The following SUSD4 variants were observed in gnomAD, a reference collection of about 807,000 sequenced individuals.
SUSD4 encodes the protein sushi domain containing 4.
A neutral mutation model predicts 50.5 loss-of-function variants in SUSD4; 41 were observed. The observed-to-expected ratio is 0.81, with a 90% CI of 0.63 to 1.05. The LOEUF (loss-of-function observed/expected upper bound fraction) is 1.05, where lower values mean the gene tolerates loss of function less well. SUSD4 is among the 50% of genes least tolerant of loss of function. The pLI, the probability that SUSD4 is intolerant of heterozygous loss-of-function variation, is 0.00. For synonymous variants in SUSD4, 257 were observed against 257.3 expected (o/e 1.00, Z 0.01); for missense variants, 580 against 634.7 (o/e 0.91, Z 0.93).
chr1:223,270,939 C>T (rs1662875442), intron 3 of SUSD4, among the ~76,000 whole-genome samples: 1 of 152,154 alleles, frequency 6.6e-6, no homozygotes, highest in Non-Finnish European at 1.5e-5. Context: ...GAATCAACCC[C>T]AATCCCAGAA....
intron 5 of SUSD4, among the ~76,000 whole-genome samples, chr1:223,233,675 T>G (rs1366223826): frequency 6.6e-6 from 1 of 152,180 alleles, no homozygotes. Context: ...TTCCGGTGAG[T>G]AAAAGTGGAC....
chr1:223,365,050 G>A (rs1435394419), upstream of SUSD4, among the ~76,000 whole-genome samples: 2 of 152,210 alleles, frequency 1.3e-5, no homozygotes, highest in East Asian at 3.9e-4. Flanking sequence ...TCCCGGGGGC[G>A]GGGAGGCGGG....
At chr1:223,346,371 T>A (rs1572108382) in intron 2 of SUSD4, among the ~76,000 whole-genome samples, 1 of 152,214 alleles carries the variant, frequency 6.6e-6, no homozygotes, top group Admixed American at 6.5e-5. Context: ...CTATTTATGA[T>A]TTCCTTTCTC....
chr1:223,271,592 G>A (rs1571937249), intron 3 of SUSD4, among the ~76,000 whole-genome samples: 1 of 152,056 alleles, frequency 6.6e-6, no homozygotes, highest in South Asian at 2.1e-4. Context: ...AGGCCAGGAG[G>A]GGCAGTGCCC....
chr1:223,234,480 T>G (rs2103009517), intron 5 of SUSD4, among the ~76,000 whole-genome samples: 1 of 152,020 alleles, frequency 6.6e-6, no homozygotes, highest in South Asian at 2.1e-4. Context: ...GTCTCTAGAG[T>G]TTTTCTAACT....
In SUSD4 at chr1:223,322,524, G is replaced by A. The variant is rs528735186; in HGVS notation, c.149-29873C>T. On this transcript the variant is annotated intron_variant, in intron 2 of 8. Coordinates refer to ENST00000366878, the MANE Select transcript of SUSD4 (RefSeq NM_017982.4). ...AAACAGACAAGGCTCCTGCCCTCTA[G>A]AAGCTAAAATCTGTACACAAATAAT... Among the ~76,000 whole-genome samples, 5 of 152,300 alleles carry A rather than the reference G, an allele frequency of 3.3e-5. No individual in the cohort carries two copies. The South Asian group carries it at 1.0e-3, about 32-fold the overall frequency.
intron 2 of SUSD4, among the ~76,000 whole-genome samples, chr1:223,306,942 T>A (rs1156999454): frequency 7.0e-6 from 1 of 142,362 alleles, no homozygotes; most frequent in Non-Finnish European, 1.5e-5. Flanking sequence ...AAATGAGGCA[T>A]ATGGATGAGT....
At chr1:223,356,635 C>T (rs559844087) in intron 2 of SUSD4, among the ~76,000 whole-genome samples, 30 of 152,112 alleles carry the variant, frequency 2.0e-4, no homozygotes, top group South Asian at 1.5e-3. Flanking sequence ...CTACAGCATA[C>T]GGTTGAGAAG....
intron 5 of SUSD4, among the ~76,000 whole-genome samples, chr1:223,260,265 A>G (rs905361025): frequency 1.5e-4 from 23 of 152,214 alleles, no homozygotes; most frequent in African/African-American, 5.5e-4. Flanking sequence ...AAAAGAAGGA[A>G]TTATGTCCTT....
At chr1:223,350,219 C>T (rs1376498198) in intron 2 of SUSD4, among the ~76,000 whole-genome samples, 1 of 152,216 alleles carries the variant, frequency 6.6e-6, no homozygotes, top group East Asian at 1.9e-4. Flanking sequence ...CTGACGGAGA[C>T]AGTATCCCAC....
intron 2 of SUSD4, among the ~76,000 whole-genome samples, chr1:223,308,041 A>T (rs1665652174): frequency 6.6e-6 from 1 of 152,212 alleles, no homozygotes; most frequent in Non-Finnish European, 1.5e-5. Flanking sequence ...TTACTTAAAT[A>T]GTAATTTATT....
At chr1:223,282,326 A>G (rs1663801780) in intron 3 of SUSD4, among the ~76,000 whole-genome samples, 1 of 152,200 alleles carries the variant, frequency 6.6e-6, no homozygotes, top group Non-Finnish European at 1.5e-5. Flanking sequence ...ACATGATTGT[A>G]TATTTAGAAA....
intron 5 of SUSD4, among the ~76,000 whole-genome samples, chr1:223,237,550 T>C (rs113931431): frequency 2.0e-5 from 3 of 152,020 alleles, no homozygotes; most frequent in African/African-American, 7.2e-5. Context: ...GGGAGTTTTT[T>C]TTTAAATCAT....
At chr1:223,342,804 AC>A (rs1225780083) in intron 2 of SUSD4, among the ~76,000 whole-genome samples, 1 of 152,192 alleles carries the variant, frequency 6.6e-6, no homozygotes, top group Admixed American at 6.5e-5. Context: ...TATGTAAATA[AC>A]CTTGGGTTGG....
intron 2 of SUSD4, among the ~76,000 whole-genome samples, chr1:223,317,716 T>C (rs998221029): frequency 6.6e-6 from 1 of 152,062 alleles, no homozygotes; most frequent in Non-Finnish European, 1.5e-5. Flanking sequence ...AAATTTATTA[T>C]TATATTTATG....
At chr1:223,290,096 T>C (rs1389070666) in intron 3 of SUSD4, among the ~76,000 whole-genome samples, 1 of 152,226 alleles carries the variant, frequency 6.6e-6, no homozygotes, top group Admixed American at 6.5e-5. Flanking sequence ...TGTGATAAAT[T>C]ATTATTGTTA....
chr1:223,288,094 T>A (rs1483082381), intron 3 of SUSD4, among the ~76,000 whole-genome samples: 1 of 151,988 alleles, frequency 6.6e-6, no homozygotes, highest in Non-Finnish European at 1.5e-5. Context: ...CCTCATATGG[T>A]TTGGCTCTGT....
chr1:223,317,641 T>A (rs966453960), intron 2 of SUSD4, among the ~76,000 whole-genome samples: 1 of 152,124 alleles, frequency 6.6e-6, no homozygotes, highest in Non-Finnish European at 1.5e-5. Flanking sequence ...TTTCAGAAAG[T>A]CCTCAAGAAA....
intron 5 of SUSD4, among the ~76,000 whole-genome samples, chr1:223,244,408 G>C (rs775927637): frequency 6.6e-6 from 1 of 152,182 alleles, no homozygotes; most frequent in Admixed American, 6.5e-5. Context: ...AAAAGGGCCC[G>C]GGTCTAGGAA....
Sources: gnomAD v4.1 joint callset for allele counts (sites outside exome capture counted in the v4.1 genomes callset) on GRCh38, gnomAD v4.1.1 for gene constraint, MANE v1.5 for transcripts, NCBI Gene and HGNC (gene_info 2026-07-23, HGNC 2026-07-21) for gene names.